Variants in KCNIP4 observed in about 807,000 individuals in gnomAD.
The protein encoded by KCNIP4 is Kv channel-interacting protein 4.
Under a neutral mutation model 34.0 loss-of-function variants are expected in KCNIP4, and 12 were observed. The observed-to-expected ratio is 0.35, with a 90% CI of 0.23 to 0.57. KCNIP4 has a LOEUF of 0.57. KCNIP4 is among the 20% of genes least tolerant of loss of function. The pLI, the probability that KCNIP4 is intolerant of heterozygous loss-of-function variation, is 0.83. For missense variants in KCNIP4, 238 were observed against 311.7 expected, an observed-to-expected ratio of 0.76 and a Z score of 1.78; for synonymous variants, 124 against 102.2, an observed-to-expected ratio of 1.21 and a Z score of -1.29.
At chr4:21,436,845 G>A (rs1243683062) in intron 1 of KCNIP4, among the ~76,000 whole-genome samples, 1 of 152,276 alleles carries the variant, frequency 6.6e-6, no homozygotes, top group African/African-American at 2.4e-5. Flanking sequence ...TTCAGGACAT[G>A]GTAGCAGACC....
At chr4:21,479,714 A>C (rs1731268652) in intron 1 of KCNIP4, among the ~76,000 whole-genome samples, 1 of 152,132 alleles carries the variant, frequency 6.6e-6, no homozygotes, top group South Asian at 2.1e-4. Context: ...ATTCTTAGGA[A>C]AAAAAACATT....
chr4:21,815,716 A>C (rs531345221), intron 1 of KCNIP4, among the ~76,000 whole-genome samples: 1 of 152,298 alleles, frequency 6.6e-6, no homozygotes, highest in East Asian at 1.9e-4. Context: ...TTCTCATAAA[A>C]GTACTGCCTG....
intron 1 of KCNIP4, among the ~76,000 whole-genome samples, chr4:20,908,654 G>C (rs1728034334): frequency 6.6e-6 from 1 of 152,194 alleles, no homozygotes; most frequent in African/African-American, 2.4e-5. Flanking sequence ...CCAGGTTCTA[G>C]TGACATCTAC....
At chr4:21,223,242 T>C (rs1210116219) in intron 1 of KCNIP4, among the ~76,000 whole-genome samples, 1 of 152,136 alleles carries the variant, frequency 6.6e-6, no homozygotes, top group African/African-American at 2.4e-5. Context: ...GAAGGGGCCA[T>C]GCTGCTGACT....
At chr4:20,815,724 T>C (rs142808059) in intron 3 of KCNIP4, among the ~76,000 whole-genome samples, 32 of 152,274 alleles carry the variant, frequency 2.1e-4, no homozygotes, top group African/African-American at 6.7e-4. Flanking sequence ...AGATATATAT[T>C]ATCAATATTA....
intron 1 of KCNIP4, among the ~76,000 whole-genome samples, chr4:21,225,601 CCTCAT>C (rs1321139808): frequency 2.0e-5 from 3 of 152,094 alleles, no homozygotes; most frequent in African/African-American, 7.2e-5. Flanking sequence ...TCCCTTTATT[CCTCAT>C]CTGTAAATTA....
chr4:21,322,536 A>T (rs773292850), intron 1 of KCNIP4, among the ~76,000 whole-genome samples: 11 of 152,154 alleles, frequency 7.2e-5, no homozygotes, highest in Non-Finnish European at 1.2e-4. Flanking sequence ...ACACATAATA[A>T]TGCTGTTAAA....
chr4:21,291,620 C>T (rs1291982712), intron 1 of KCNIP4, among the ~76,000 whole-genome samples: 5 of 151,148 alleles, frequency 3.3e-5, no homozygotes, highest in Admixed American at 6.6e-5. Flanking sequence ...GAGGCCGAGG[C>T]GGGTGGATCA....
chr4:21,334,079 T>A (rs1356751700), intron 1 of KCNIP4, among the ~76,000 whole-genome samples: 1 of 152,118 alleles, frequency 6.6e-6, no homozygotes, highest in Non-Finnish European at 1.5e-5. Flanking sequence ...CATCTTTTTT[T>A]TTAAATCCAA....
intron 1 of KCNIP4, among the ~76,000 whole-genome samples, chr4:20,979,838 C>T (rs531018158): frequency 1.3e-5 from 2 of 152,266 alleles, no homozygotes; most frequent in Non-Finnish European, 2.9e-5. Flanking sequence ...AATAAGTGTG[C>T]ACTTCTAGTG....
intron 3 of KCNIP4, among the ~76,000 whole-genome samples, chr4:20,760,125 C>CT (rs1754827333): frequency 6.6e-6 from 1 of 152,184 alleles, no homozygotes; most frequent in East Asian, 1.9e-4. Context: ...CAAGAGTCAA[C>CT]TGCACATTGT....
chr4:21,451,381 A>C (rs1349026665), intron 1 of KCNIP4, among the ~76,000 whole-genome samples: 1 of 152,180 alleles, frequency 6.6e-6, no homozygotes, highest in Non-Finnish European at 1.5e-5. Context: ...AAAATATCCC[A>C]ATGCAAGTGA....
At chr4:21,332,263 A>T (rs1484257456) in intron 1 of KCNIP4, among the ~76,000 whole-genome samples, 33 of 151,976 alleles carry the variant, frequency 2.2e-4, no homozygotes, top group Admixed American at 2.2e-3. Flanking sequence ...TTAATATGGT[A>T]TATTATACGG....
chr4:21,399,306 G>A (rs1723267769), intron 1 of KCNIP4, among the ~76,000 whole-genome samples: 1 of 152,186 alleles, frequency 6.6e-6, no homozygotes, highest in Non-Finnish European at 1.5e-5. Flanking sequence ...TGAAGCCACT[G>A]GCCAGGAGGT....
intron 1 of KCNIP4, among the ~76,000 whole-genome samples, chr4:20,949,923 G>T (rs1180164497): frequency 1.3e-5 from 2 of 150,256 alleles, no homozygotes; most frequent in African/African-American, 4.9e-5. Flanking sequence ...ACGAGTTAGT[G>T]GGTGCAGCGC....
chr4:21,128,978 G>T (rs994268169), intron 1 of KCNIP4, among the ~76,000 whole-genome samples: 1 of 152,112 alleles, frequency 6.6e-6, no homozygotes, highest in African/African-American at 2.4e-5. Context: ...GATTAAATAA[G>T]GTTGTTGATA....
chr4:21,070,899 TCTC>T (rs1436548123), intron 1 of KCNIP4, among the ~76,000 whole-genome samples: 2 of 151,892 alleles, frequency 1.3e-5, no homozygotes, highest in African/African-American at 4.8e-5. Flanking sequence ...ATGGTCTTGA[TCTC>T]CTGACCTCGT....
At chr4:21,330,337 G>T (rs1165964180) in intron 1 of KCNIP4, among the ~76,000 whole-genome samples, 1 of 152,134 alleles carries the variant, frequency 6.6e-6, no homozygotes, top group Non-Finnish European at 1.5e-5. Flanking sequence ...AATAAGTTTA[G>T]ACTATCAGAA....
intron 1 of KCNIP4, among the ~76,000 whole-genome samples, chr4:21,446,583 C>T (rs905773461): frequency 2.3e-5 from 3 of 130,980 alleles, no homozygotes; most frequent in Non-Finnish European, 3.0e-5. Context: ...AATGAGAACA[C>T]TTGGACACAG....
Sources: allele counts gnomAD v4.1 joint callset (sites outside exome capture counted in the v4.1 genomes callset), GRCh38; gene constraint gnomAD v4.1.1; transcripts MANE v1.5; gene names NCBI Gene and HGNC (gene_info 2026-07-23, HGNC 2026-07-21).